ACSS3: variants seen among roughly 807,000 people sequenced by gnomAD.
The protein encoded by ACSS3 is acyl-CoA synthetase short-chain family member 3, mitochondrial.
In ACSS3, 64 loss-of-function variants were observed where a neutral mutation model predicts 84.2. That is an observed-to-expected ratio of 0.76 (90% confidence interval 0.62 to 0.94). The LOEUF (loss-of-function observed/expected upper bound fraction) is 0.94, where lower values mean the gene tolerates loss of function less well. Ranked by LOEUF, ACSS3 falls within the 40% of genes least tolerant of loss-of-function variation. The pLI, the probability that ACSS3 is intolerant of heterozygous loss-of-function variation, is 0.00. For synonymous variants in ACSS3, 317 were observed against 310.1 expected, an observed-to-expected ratio of 1.02 and a Z score of -0.23; for missense variants, 815 against 867.6, an observed-to-expected ratio of 0.94 and a Z score of 0.76.
intron 9 of ACSS3, among the ~76,000 whole-genome samples, chr12:81,209,765 G>A (rs184860304): frequency 1.9e-3 from 291 of 152,226 alleles, no homozygotes; most frequent in Non-Finnish European, 2.2e-3. Context: ...ACAAGGGGTG[G>A]ATGTTTTATG....
At chr12:81,126,704 A>G (rs1458644906) in intron 2 of ACSS3, among the ~76,000 whole-genome samples, 1 of 152,204 alleles carries the variant, frequency 6.6e-6, no homozygotes, top group Non-Finnish European at 1.5e-5. Flanking sequence ...AGCAAAGATT[A>G]TTGAAATACT....
intron 7 of ACSS3, among the ~76,000 whole-genome samples, chr12:81,153,150 A>C (rs890620578): frequency 6.6e-6 from 1 of 152,164 alleles, no homozygotes; most frequent in African/African-American, 2.4e-5. Context: ...GCTTATGCCT[A>C]TAATCCCAGC....
intron 4 of ACSS3, among the ~76,000 whole-genome samples, chr12:81,142,109 C>T (rs1034408970): frequency 1.3e-5 from 2 of 152,020 alleles, no homozygotes; most frequent in Admixed American, 6.6e-5. Flanking sequence ...CTTGTCTTTT[C>T]TAAATTTTTC....
At chr12:81,209,837 T>C (rs1468727456) in intron 9 of ACSS3, among the ~76,000 whole-genome samples, 1 of 152,114 alleles carries the variant, frequency 6.6e-6, no homozygotes, top group Non-Finnish European at 1.5e-5. Context: ...TTTTAGACCA[T>C]ATAGGGTAAC....
chr12:81,164,197 A>T (rs1207784314), intron 7 of ACSS3, among the ~76,000 whole-genome samples: 1 of 152,140 alleles, frequency 6.6e-6, no homozygotes, highest in African/African-American at 2.4e-5. Context: ...ATGCTTAAAC[A>T]TGTTTAGGTA....
intron 1 of ACSS3, among the ~76,000 whole-genome samples, chr12:81,079,246 C>T (rs1163534491): frequency 6.6e-6 from 1 of 152,122 alleles, no homozygotes; most frequent in East Asian, 1.9e-4. Flanking sequence ...AACGCAGACA[C>T]ATTGTAGAAT....
At chr12:81,225,485 A>C (rs1003139861) in intron 11 of ACSS3, among the ~76,000 whole-genome samples, 2 of 151,926 alleles carry the variant, frequency 1.3e-5, no homozygotes, top group Non-Finnish European at 2.9e-5. Context: ...ATAACTTGGG[A>C]CAAACACACA....
chr12:81,117,583 G>A (rs1178789859), intron 2 of ACSS3, among the ~76,000 whole-genome samples: 4 of 152,248 alleles, frequency 2.6e-5, no homozygotes, highest in Admixed American at 6.5e-5. Context: ...CATGAGAAGA[G>A]AATGGTAGAA....
chr12:81,098,520 T>C (rs1882253363), intron 1 of ACSS3, among the ~76,000 whole-genome samples: 1 of 152,128 alleles, frequency 6.6e-6, no homozygotes, highest in East Asian at 1.9e-4. Flanking sequence ...ATTTCCAAAA[T>C]CCTATTGATG....
Position 81,143,158 on chromosome 12 carries a change from G to A in ACSS3, c.832G>A (p.Ala278Thr), listed in dbSNP as rs1886175436. 3 of 1,613,508 alleles carry A rather than the reference G, an allele frequency of 1.9e-6. No homozygotes were observed. Among genetic ancestry groups the A allele is most frequent in the African/African-American group, 2.7e-5 (2 of 75,020 alleles). ...GRDLDWDEEM[A>T]KAQSHDCVPV... ...TGACCTTGATTGGGATGAAGAGATG[G>A]CAAAAGCCCAGTCACATGACTGTGT... is the stretch of plus-strand genomic sequence containing the variant. The change falls in exon 5 of 16, where the codon GCA becomes ACA. Residue 278 changes from alanine (A) to threonine (T), a missense_variant. Transcript: ENST00000548058.
At chr12:81,242,207 C>T (rs1318305078) in intron 13 of ACSS3, among the ~76,000 whole-genome samples, 1 of 152,014 alleles carries the variant, frequency 6.6e-6, no homozygotes, top group Non-Finnish European at 1.5e-5. Flanking sequence ...ATACAAACTA[C>T]CATCAGAGAA....
At chr12:81,131,535 G>A (rs529897426) in intron 2 of ACSS3, among the ~76,000 whole-genome samples, 2 of 152,274 alleles carry the variant, frequency 1.3e-5, no homozygotes, top group South Asian at 4.1e-4. Context: ...GGGCTGAGAT[G>A]ATGGGGTTTT....
intron 2 of ACSS3, chr12:81,125,740 T>C (rs1388375485): frequency 6.6e-6 from 1 of 152,192 alleles, no homozygotes; most frequent in Non-Finnish European, 1.5e-5. Context: ...TCTCTTCTGA[T>C]GTTGAGATCA....
intron 7 of ACSS3, among the ~76,000 whole-genome samples, chr12:81,170,828 T>C (rs1488602559): frequency 1.3e-5 from 2 of 152,106 alleles, no homozygotes; most frequent in African/African-American, 4.8e-5. Context: ...AAAAGCATTG[T>C]GAAGAGATTT....
At chr12:81,119,474 G>T (rs1476185013) in intron 2 of ACSS3, among the ~76,000 whole-genome samples, 1 of 152,076 alleles carries the variant, frequency 6.6e-6, no homozygotes. Context: ...TAAGCCTGAG[G>T]GTACTGCAGG....
intron 8 of ACSS3, among the ~76,000 whole-genome samples, chr12:81,182,757 C>A (rs922510129): frequency 6.6e-6 from 1 of 152,146 alleles, no homozygotes; most frequent in South Asian, 2.1e-4. Context: ...CCTCTTCTCT[C>A]CCCAGTCTCA....
At chr12:81,233,867 A>G (rs962031276) in intron 13 of ACSS3, among the ~76,000 whole-genome samples, 1 of 151,540 alleles carries the variant, frequency 6.6e-6, no homozygotes, top group East Asian at 1.9e-4. Context: ...TTTTCTTCCA[A>G]TGTAAGTCAC....
chr12:81,129,476 G>T (rs1172059756), intron 2 of ACSS3, among the ~76,000 whole-genome samples: 1 of 152,080 alleles, frequency 6.6e-6, no homozygotes, highest in African/African-American at 2.4e-5. Context: ...TTTTTCTAGA[G>T]AAACTGGAGA....
At chr12:81,236,328 A>G (rs1684559990) in intron 13 of ACSS3, among the ~76,000 whole-genome samples, 1 of 151,530 alleles carries the variant, frequency 6.6e-6, no homozygotes, top group Admixed American at 6.6e-5. Context: ...GCAATGAATT[A>G]CTGTTTTTAT....
Sources: gnomAD v4.1 joint callset for allele counts (sites outside exome capture counted in the v4.1 genomes callset) on GRCh38, gnomAD v4.1.1 for gene constraint, MANE v1.5 for transcripts, NCBI Gene and HGNC (gene_info 2026-07-23, HGNC 2026-07-21) for gene names.